Variants in GPC6 observed in about 807,000 individuals in gnomAD.
GPC6 encodes the protein glypican-6.
In GPC6, 14 loss-of-function variants were observed where a neutral mutation model predicts 55.2. That is an observed-to-expected ratio of 0.25 (90% CI 0.17 to 0.40). GPC6 has a LOEUF of 0.40. Among genes scored for constraint, GPC6 ranks in the 10% least tolerant of loss-of-function variants. The pLI is 1.00. For synonymous variants in GPC6, 278 were observed against 259.6 expected (o/e 1.07, Z -0.68); for missense variants, 641 against 708.5 (o/e 0.90, Z 1.08).
chr13:93,924,369 G>A (rs974691078), intron 3 of GPC6, among the ~76,000 whole-genome samples: 8 of 152,186 alleles, frequency 5.3e-5, no homozygotes, highest in African/African-American at 1.9e-4. Context: ...TATTACAATC[G>A]TCTGCGTTTT....
At chr13:93,627,013 T>C (rs1312222092) in intron 2 of GPC6, among the ~76,000 whole-genome samples, 1 of 151,972 alleles carries the variant, frequency 6.6e-6, no homozygotes, top group Non-Finnish European at 1.5e-5. Context: ...ACTTTTTTTA[T>C]TATTATTATA....
At chr13:93,411,697 T>C (rs1215985860) in intron 1 of GPC6, among the ~76,000 whole-genome samples, 1 of 152,100 alleles carries the variant, frequency 6.6e-6, no homozygotes, top group Non-Finnish European at 1.5e-5. Flanking sequence ...TATACACCAA[T>C]GTTACTGAAA....
intron 3 of GPC6, among the ~76,000 whole-genome samples, chr13:93,983,833 G>A (rs1405716602): frequency 6.7e-6 from 1 of 149,832 alleles, no homozygotes; most frequent in Admixed American, 6.6e-5. Context: ...GTCCCAAAGA[G>A]TTCTGGACTG....
chr13:93,734,837 A>C (rs1212636060), intron 2 of GPC6, among the ~76,000 whole-genome samples: 1 of 152,188 alleles, frequency 6.6e-6, no homozygotes, highest in Non-Finnish European at 1.5e-5. Context: ...AAACTACACA[A>C]TTAATAACTA....
At chr13:93,827,405 G>A (rs74108861) in intron 2 of GPC6, among the ~76,000 whole-genome samples, 5,161 of 152,192 alleles carry the variant, frequency 0.034, 270 homozygotes, top group East Asian at 0.17. Flanking sequence ...TACAGTCATG[G>A]TGAAAATGAA....
intron 3 of GPC6, among the ~76,000 whole-genome samples, chr13:93,979,768 G>A (rs1014182062): frequency 3.3e-5 from 5 of 152,038 alleles, no homozygotes; most frequent in African/African-American, 1.2e-4. Context: ...GCCTCGTATA[G>A]GACAGCTACA....
At chr13:93,573,550 A>G (rs1276493362) in intron 2 of GPC6, among the ~76,000 whole-genome samples, 1 of 152,140 alleles carries the variant, frequency 6.6e-6, no homozygotes, top group African/African-American at 2.4e-5. Flanking sequence ...AAACCAACCA[A>G]TCAAACAGTA....
intron 6 of GPC6, among the ~76,000 whole-genome samples, chr13:94,325,849 G>A (rs1370184322): frequency 3.9e-5 from 6 of 152,180 alleles, no homozygotes; most frequent in African/African-American, 1.2e-4. Context: ...AACTTGTTTG[G>A]GTAAGCAGAG....
chr13:94,278,970 T>G (rs1374088261), intron 4 of GPC6, among the ~76,000 whole-genome samples: 2 of 152,062 alleles, frequency 1.3e-5, no homozygotes, highest in Non-Finnish European at 2.9e-5. Flanking sequence ...TAGGGAGGAG[T>G]CCCTCCTTTT....
intron 3 of GPC6, among the ~76,000 whole-genome samples, chr13:93,983,784 T>TAA (rs35261105): frequency 0.032 from 4,579 of 144,776 alleles, 255 homozygotes; most frequent in African/African-American, 0.11. Flanking sequence ...ATATTTTTGT[T>TAA]AAAAAAAAAA....
chr13:93,239,261 C>T (rs1876348840), intron 1 of GPC6, among the ~76,000 whole-genome samples: 4 of 151,922 alleles, frequency 2.6e-5, no homozygotes, highest in East Asian at 1.9e-4. Context: ...GATCTCACTA[C>T]TTGTTATTTG....
chr13:93,962,666 G>C (rs1001841097), intron 3 of GPC6, among the ~76,000 whole-genome samples: 1 of 152,128 alleles, frequency 6.6e-6, no homozygotes, highest in Non-Finnish European at 1.5e-5. Flanking sequence ...TTTGAATCCA[G>C]GTGGTAAAAC....
At chr13:93,985,823 A>G (rs930983437) in intron 3 of GPC6, among the ~76,000 whole-genome samples, 2 of 152,026 alleles carry the variant, frequency 1.3e-5, no homozygotes, top group Non-Finnish European at 2.9e-5. Flanking sequence ...GGCTATAGAA[A>G]TATGGTCTCT....
At chr13:94,255,939 T>A (rs915662992) in intron 4 of GPC6, among the ~76,000 whole-genome samples, 9 of 152,164 alleles carry the variant, frequency 5.9e-5, no homozygotes, top group Non-Finnish European at 1.0e-4. Context: ...GCACCCACAT[T>A]GCTTGAGAAT....
chr13:94,278,993 G>T (rs1892293175), intron 4 of GPC6, among the ~76,000 whole-genome samples: 1 of 152,020 alleles, frequency 6.6e-6, no homozygotes, highest in African/African-American at 2.4e-5. Flanking sequence ...ATTGTTTGGG[G>T]TAGTTTCAGA....
intron 3 of GPC6, among the ~76,000 whole-genome samples, chr13:93,939,143 CAG>C (rs1878594141): frequency 1.3e-5 from 2 of 150,378 alleles, no homozygotes; most frequent in Non-Finnish European, 3.0e-5. Context: ...ATAAAATAAA[CAG>C]AAAAAATGAA....
intron 4 of GPC6, among the ~76,000 whole-genome samples, chr13:94,177,801 A>C (rs916606855): frequency 6.6e-6 from 1 of 152,178 alleles, no homozygotes; most frequent in Non-Finnish European, 1.5e-5. Flanking sequence ...ATAGGTCATA[A>C]TTTCCAATGA....
intron 1 of GPC6, among the ~76,000 whole-genome samples, chr13:93,250,999 C>A (rs186320642): frequency 4.6e-5 from 7 of 152,154 alleles, no homozygotes; most frequent in African/African-American, 1.2e-4. Flanking sequence ...GAGAGCCAAG[C>A]GAAAGGGGTT....
intron 1 of GPC6, among the ~76,000 whole-genome samples, chr13:93,250,358 C>G (rs1876743335): frequency 6.6e-6 from 1 of 152,222 alleles, no homozygotes; most frequent in Non-Finnish European, 1.5e-5. Flanking sequence ...TTCCAGGGCC[C>G]TGCTGGCCTG....
Sources: gnomAD v4.1 joint callset for allele counts (sites outside exome capture counted in the v4.1 genomes callset) on GRCh38, gnomAD v4.1.1 for gene constraint, MANE v1.5 for transcripts, NCBI Gene and HGNC (gene_info 2026-07-23, HGNC 2026-07-21) for gene names.